DPP10: variants seen among roughly 807,000 people sequenced by gnomAD.
The protein encoded by DPP10 is dipeptidyl peptidase like 10.
In DPP10, 33 loss-of-function variants were observed where a neutral mutation model predicts 120.9. The ratio of observed to expected loss-of-function variants is 0.27; its 90% CI spans 0.21 to 0.37. DPP10 has a LOEUF of 0.37. DPP10 is among the 10% of genes least tolerant of loss of function. The pLI is 1.00. For missense variants in DPP10, 816 were observed against 942.8 expected (o/e 0.87, Z 1.76); for synonymous variants, 337 against 326.1 (o/e 1.03, Z -0.36).
chr2:115,077,550 C>A (rs753924478), intron 1 of DPP10, among the ~76,000 whole-genome samples: 1 of 152,176 alleles, frequency 6.6e-6, no homozygotes, highest in African/African-American at 2.4e-5. Context: ...CAGTAACAAC[C>A]TTGCCTAAGT....
chr2:115,795,437 ACCTT>A (rs1684427403), intron 19 of DPP10, among the ~76,000 whole-genome samples: 1 of 152,046 alleles, frequency 6.6e-6, no homozygotes, highest in Non-Finnish European at 1.5e-5. Context: ...CTCTGAATTC[ACCTT>A]CCTTGAAATC....
chr2:115,673,944 G>A (rs902486853), intron 5 of DPP10, among the ~76,000 whole-genome samples: 1 of 152,172 alleles, frequency 6.6e-6, no homozygotes, highest in Admixed American at 6.5e-5. Context: ...AGGCATGGTG[G>A]CTGACGCCTG....
intron 1 of DPP10, among the ~76,000 whole-genome samples, chr2:115,199,716 C>T (rs2055555025): frequency 6.6e-6 from 1 of 152,034 alleles, no homozygotes; most frequent in Non-Finnish European, 1.5e-5. Context: ...TGTATCAAGA[C>T]TGAAGAGATG....
rs191003544 is a variant in DPP10, at chr2:115,351,513, A to C, written c.271+7601A>C. On this transcript the variant is annotated intron_variant, in intron 3 of 25. Transcript: ENST00000410059. Reference sequence around the variant, plus strand: ...TAACAAATCCACACATATACCCCCAAATCTAAAATAAAGATTAAAATTTTA... The same window carrying C: ...TAACAAATCCACACATATACCCCCACATCTAAAATAAAGATTAAAATTTTA... Among the ~76,000 whole-genome samples the C allele has an allele frequency of 2.0e-5, 3 of 152,158 alleles. No homozygotes were observed. In the East Asian group the frequency reaches 5.8e-4, roughly 29 times the overall value.
chr2:115,754,463 G>C (rs1192108236), intron 11 of DPP10, among the ~76,000 whole-genome samples: 1 of 152,126 alleles, frequency 6.6e-6, no homozygotes, highest in Admixed American at 6.6e-5. Context: ...ATAGTGAAGA[G>C]ATCTCCCTGA....
At chr2:115,262,095 A>C (rs1200628694) in intron 1 of DPP10, among the ~76,000 whole-genome samples, 2 of 152,160 alleles carry the variant, frequency 1.3e-5, no homozygotes, top group Middle Eastern at 3.2e-3. Context: ...CTTGTTTTTA[A>C]CACAGTGAAG....
At chr2:115,399,124 C>G (rs1413496318) in intron 3 of DPP10, among the ~76,000 whole-genome samples, 1 of 152,130 alleles carries the variant, frequency 6.6e-6, no homozygotes, top group Admixed American at 6.6e-5. Context: ...TGTTTCATTG[C>G]TACTACTATT....
chr2:115,505,776 G>A (rs952693346), intron 4 of DPP10, among the ~76,000 whole-genome samples: 4 of 151,960 alleles, frequency 2.6e-5, no homozygotes, highest in Non-Finnish European at 5.9e-5. Flanking sequence ...AACACAACAG[G>A]GCAACCAGAG....
At chr2:114,762,158 C>T (rs1043217404) in intron 1 of DPP10, among the ~76,000 whole-genome samples, 4 of 152,192 alleles carry the variant, frequency 2.6e-5, no homozygotes, top group African/African-American at 9.7e-5. Context: ...CATGGTTTGG[C>T]ACATTCTTAA....
intron 7 of DPP10, 25 bp from the exon 8 acceptor site, chr2:115,727,791 G>T: frequency 1.3e-6 from 2 of 1,564,084 alleles, no homozygotes; most frequent in Non-Finnish European, 1.7e-6. Context: ...TGGATTTTTT[G>T]TTTGTTTCAC....
At position 115,427,167 on chromosome 2, in the gene DPP10, CTT is replaced by C. The variant is rs57814668; in HGVS notation, c.272-72340_272-72339del. On this transcript the variant is annotated intron_variant, in intron 3 of 25. Transcript: ENST00000410059. ...GCTTTGGGCAGCTCTGCTCCTGTGT[CTT>C]TTCCGCACTGAAGTTTCAAGCTGCT... Among the ~76,000 whole-genome samples the C allele has an allele frequency of 7.1e-3, 1,074 of 152,314 alleles. 37 individuals carry two copies. The highest frequency in any genetic ancestry group is 0.065 in the East Asian group (337 of 5,150).
At chr2:115,334,232 T>G (rs1449958629) in intron 2 of DPP10, among the ~76,000 whole-genome samples, 2 of 127,624 alleles carry the variant, frequency 1.6e-5, no homozygotes, top group African/African-American at 6.2e-5. Context: ...CAGACTCTGT[T>G]TTTTTTTTTT....
chr2:114,850,677 C>T (rs1325153935), intron 1 of DPP10, among the ~76,000 whole-genome samples: 3 of 152,036 alleles, frequency 2.0e-5, no homozygotes, highest in Admixed American at 6.6e-5. Flanking sequence ...GTTTCTGCTT[C>T]CAGACTTGAG....
intron 19 of DPP10, among the ~76,000 whole-genome samples, chr2:115,808,122 G>A (rs1162013277): frequency 2.0e-5 from 3 of 152,180 alleles, no homozygotes; most frequent in Admixed American, 6.5e-5. Context: ...ACACGTGTTC[G>A]AGAGATACAC....
intron 21 of DPP10, 119 bp from the exon 22 acceptor site, chr2:115,836,038 A>C: frequency 2.0e-6 from 1 of 506,382 alleles, no homozygotes; most frequent in Non-Finnish European, 3.1e-6. Context: ...AGTACCAAAC[A>C]TTGATCAAAA....
At chr2:115,401,303 G>T (rs1327696341) in intron 3 of DPP10, among the ~76,000 whole-genome samples, 1 of 152,194 alleles carries the variant, frequency 6.6e-6, no homozygotes, top group African/African-American at 2.4e-5. Context: ...AGACATGCTG[G>T]AGGGCCAGGC....
At chr2:114,763,147 A>C (rs909115319) in intron 1 of DPP10, among the ~76,000 whole-genome samples, 3 of 152,162 alleles carry the variant, frequency 2.0e-5, no homozygotes. Context: ...AAGCCATGAA[A>C]GGGCTGGTGC....
At chr2:115,795,512 CCT>C (rs960395467) in intron 19 of DPP10, among the ~76,000 whole-genome samples, 6 of 152,136 alleles carry the variant, frequency 3.9e-5, no homozygotes, top group African/African-American at 1.4e-4. Flanking sequence ...CCATTCTCCT[CCT>C]CTGTCAGCCT....
chr2:114,838,549 G>A (rs1034734059), intron 1 of DPP10, among the ~76,000 whole-genome samples: 5 of 151,940 alleles, frequency 3.3e-5, no homozygotes, highest in Admixed American at 2.0e-4. Flanking sequence ...TTCTGACCTC[G>A]GTCTCCCAAA....
Sources: gnomAD v4.1 joint callset for allele counts (sites outside exome capture counted in the v4.1 genomes callset) on GRCh38, gnomAD v4.1.1 for gene constraint, MANE v1.5 for transcripts, NCBI Gene and HGNC (gene_info 2026-07-23, HGNC 2026-07-21) for gene names.